Variants in ARFGEF3 observed in about 807,000 individuals in gnomAD.
ARFGEF3 encodes ARFGEF family member 3.
A neutral mutation model predicts 221.7 loss-of-function variants in ARFGEF3; 96 were observed. The ratio of observed to expected loss-of-function variants is 0.43; its 90% CI spans 0.37 to 0.51. The LOEUF is 0.51. Among genes scored for constraint, ARFGEF3 ranks in the 20% least tolerant of loss-of-function variants. ARFGEF3 has a pLI of 0.00. For synonymous variants in ARFGEF3, 1,145 were observed against 1,126.8 expected, an observed-to-expected ratio of 1.02 and a Z score of -0.32; for missense variants, 2,410 against 2,789.9, an observed-to-expected ratio of 0.86 and a Z score of 3.07.
At chr6:138,215,997 G>A (rs1326432631) in intron 4 of ARFGEF3, 2 of 150,916 alleles carry the variant, frequency 1.3e-5, no homozygotes, top group Admixed American at 1.3e-4. Context: ...TTTTTGGGTG[G>A]GGGGGAGTTT....
intron 2 of ARFGEF3, among the ~76,000 whole-genome samples, chr6:138,188,012 GC>G (rs1777221867): frequency 6.6e-6 from 1 of 152,156 alleles, no homozygotes. Context: ...TACATGATAA[GC>G]TTTTGCTATA....
At chr6:138,245,117 C>T (rs1778462186) in intron 7 of ARFGEF3, among the ~76,000 whole-genome samples, 2 of 152,086 alleles carry the variant, frequency 1.3e-5, no homozygotes, top group South Asian at 2.1e-4. Context: ...GCCTGGCCAA[C>T]ATAGTGAAAC....
At chr6:138,303,897 C>T (rs1414619803) in intron 22 of ARFGEF3, among the ~76,000 whole-genome samples, 2 of 125,418 alleles carry the variant, frequency 1.6e-5, no homozygotes, top group Non-Finnish European at 1.6e-5. Flanking sequence ...AAGATAATAG[C>T]AAGTGTTGGT....
At position 138,308,784 on chromosome 6, in the gene ARFGEF3, A is replaced by G. The variant is rs1779772617; in HGVS notation, c.4019A>G (p.Asn1340Ser). The part of the protein sequence containing the change: ...PVFDVFEAFL[N>S]TDNIQVFANA... ...TTTGATGTATTTGAAGCTTTTCTCA[A>G]TACTGACAACATCCAGGTCTTTGCT... The change falls in exon 24 of 34, where the codon AAT becomes AGT. Residue 1340 changes from asparagine to serine, a missense_variant. Transcript: ENST00000251691. The G allele has an allele frequency of 1.2e-6, 2 of 1,613,998 alleles. No individual in the cohort carries two copies. Among genetic ancestry groups the G allele is most frequent in the African/African-American group, 1.3e-5 (1 of 75,072 alleles).
chr6:138,289,712 G>T, intron 17 of ARFGEF3, 106 bp from the exon 18 acceptor site: 12 of 1,241,420 alleles, frequency 9.7e-6, no homozygotes, highest in Non-Finnish European at 1.4e-5. Flanking sequence ...TGCCACTGAA[G>T]TCTGTCCTTT....
chr6:138,194,989 ATTTTTTTTTTTTTT>A (rs747099029), intron 2 of ARFGEF3, among the ~76,000 whole-genome samples: 3 of 84,130 alleles, frequency 3.6e-5, no homozygotes, highest in African/African-American at 1.7e-4. Context: ...CTTTTCCCTA[ATTTTTTTTTTTTTT>A]TTTTTTTTTT....
intron 22 of ARFGEF3, among the ~76,000 whole-genome samples, chr6:138,299,471 C>T (rs745759685): frequency 4.6e-5 from 7 of 152,090 alleles, no homozygotes; most frequent in African/African-American, 1.4e-4. Flanking sequence ...CTGGAGACTT[C>T]GTATTTCACA....
intron 22 of ARFGEF3, among the ~76,000 whole-genome samples, chr6:138,305,087 A>G (rs7758313): frequency 6.6e-6 from 1 of 150,944 alleles, no homozygotes; most frequent in Non-Finnish European, 1.5e-5. Flanking sequence ...AAAAAAAAAA[A>G]CCTTCCCACA....
chr6:138,334,840 T>C lies in ARFGEF3; in HGVS notation c.5994T>C (p.Asp1998=). ...LPPSPKVEKK[D]PSRKKEWWEN... ...CCAGCCCCAAAGTGGAGAAGAAGGATCCCAGCCGGAAGAAGGAGTGGTGGG... is the reference window on the plus strand; with the variant it reads ...CCAGCCCCAAAGTGGAGAAGAAGGACCCCAGCCGGAAGAAGGAGTGGTGGG... The change falls in exon 33 of 34, where the codon GAT becomes GAC. Residue 1998 remains aspartate, a synonymous_variant. Coordinates refer to ENST00000251691, the MANE Select transcript of ARFGEF3 (RefSeq NM_020340.5). This position sits in a 1 kb window ranked among gnomAD's most constrained non-coding sequence, Gnocchi z 5.1. The C allele has an allele frequency of 6.3e-7, 1 of 1,597,822 alleles. No homozygotes were observed. Among genetic ancestry groups the C allele is most frequent in the African/African-American group, 1.3e-5 (1 of 74,524 alleles).
intron 12 of ARFGEF3, among the ~76,000 whole-genome samples, chr6:138,264,048 C>T (rs1233060706): frequency 1.3e-5 from 2 of 152,164 alleles, no homozygotes; most frequent in Admixed American, 6.5e-5. Flanking sequence ...GCCAAGTCCT[C>T]CCAATATATT....
At chr6:138,328,215 T>A (rs1372183338) in intron 32 of ARFGEF3, 73 bp downstream of exon 32, 2 of 1,460,388 alleles carry the variant, frequency 1.4e-6, no homozygotes, top group Non-Finnish European at 1.8e-6. Context: ...TCTCACACAT[T>A]GTAATCTGAG....
intron 29 of ARFGEF3, among the ~76,000 whole-genome samples, chr6:138,322,936 C>T (rs923505878): frequency 6.6e-6 from 1 of 151,558 alleles, no homozygotes; most frequent in Non-Finnish European, 1.5e-5. Flanking sequence ...GCAAGGACCT[C>T]GTTGTAGCAG....
intron 12 of ARFGEF3, among the ~76,000 whole-genome samples, chr6:138,274,688 G>A (rs890489993): frequency 4.6e-5 from 7 of 151,782 alleles, no homozygotes; most frequent in South Asian, 2.1e-4. Flanking sequence ...CCAGCTACTC[G>A]GGAGGCTGAG....
intron 29 of ARFGEF3, among the ~76,000 whole-genome samples, chr6:138,321,898 C>CATGT (rs111359409): frequency 0.07 from 10,691 of 152,240 alleles, 560 homozygotes; most frequent in African/African-American, 0.15. Context: ...AATGGACTTA[C>CATGT]AGTTCCACGT....
At chr6:138,299,256 A>T (rs1052557522) in intron 22 of ARFGEF3, among the ~76,000 whole-genome samples, 1 of 151,062 alleles carries the variant, frequency 6.6e-6, no homozygotes, top group African/African-American at 2.4e-5. Context: ...CTAGACACAT[A>T]ATCAGTGATT....
Position 138,263,397 on chromosome 6 carries a change from C to T in ARFGEF3, c.1914C>T (p.Ala638=), listed in dbSNP as rs200686031. Residue 638 remains alanine (A), a synonymous_variant, in exon 12 of 34, where the codon GCC becomes GCT. Transcript: ENST00000251691. ...SDIGSDNCSL[A]DEEQTPRDCL... ...TTGGGTCGGACAACTGTTCACTAGCCGATGAAGAGCAGACACCCCGGGACT... is the reference window on the plus strand; with the variant it reads ...TTGGGTCGGACAACTGTTCACTAGCTGATGAAGAGCAGACACCCCGGGACT... The T allele has an allele frequency of 2.0e-5, 33 of 1,613,958 alleles. No individual in the cohort carries two copies. The East Asian group carries it at 4.2e-4, about 21-fold the overall frequency.
At chr6:138,224,011 G>A (rs1778031904) in intron 4 of ARFGEF3, among the ~76,000 whole-genome samples, 1 of 152,222 alleles carries the variant, frequency 6.6e-6, no homozygotes. Context: ...GATATTTGTT[G>A]AGTGAATGAA....
At position 138,262,894 on chromosome 6, in the gene ARFGEF3, T is replaced by C. The variant is rs1442697409; in HGVS notation, c.1411T>C (p.Ser471Pro). 6.2e-7 allele frequency: 1 copy of C among 1,613,094 alleles called. No homozygotes were observed. Among genetic ancestry groups the C allele is most frequent in the Non-Finnish European group, 8.5e-7 (1 of 1,179,442 alleles). Residue 471 changes from serine (S) to proline (P), a missense_variant, in exon 12 of 34, where the codon TCC becomes CCC. This residue lies in a region of ARFGEF3 where 570 missense variants were observed against 586.9 expected (regional missense o/e 0.97). Transcript: ENST00000251691. The part of the protein sequence containing the change: ...LKDGAEWSRD[S>P]MEINEADFRW... The stretch of plus-strand genomic sequence containing the variant: ...GGATGGGGCTGAGTGGAGCCGAGAT[T>C]CCATGGAGATCAATGAGGCTGACTT...
chr6:138,332,269 G>A (rs2114696213), intron 32 of ARFGEF3, among the ~76,000 whole-genome samples: 1 of 152,076 alleles, frequency 6.6e-6, no homozygotes, highest in East Asian at 1.9e-4. Context: ...CAGGCAGCCT[G>A]CAGTCAGAGC....
Sources: allele counts gnomAD v4.1 joint callset (sites outside exome capture counted in the v4.1 genomes callset), GRCh38; gene constraint gnomAD v4.1.1; regional missense constraint gnomAD v4.1.1; non-coding constraint Gnocchi (gnomAD v3.1); transcripts MANE v1.5; gene names NCBI Gene and HGNC (gene_info 2026-07-23, HGNC 2026-07-21).